LYPD6B: variants seen among roughly 807,000 people sequenced by gnomAD.
The protein encoded by LYPD6B is LY6/PLAUR domain containing 6B.
LYPD6B carries 17 observed loss-of-function variants against 22.8 expected under a neutral mutation model. That is an observed-to-expected ratio of 0.75 (90% confidence interval 0.51 to 1.12). The LOEUF (loss-of-function observed/expected upper bound fraction) is 1.12. LYPD6B is among the 50% of genes most tolerant of loss of function. The probability of loss-of-function intolerance (pLI) is 0.00; values close to 1 mark genes in which losing one functional copy is unlikely to be tolerated. For missense variants in LYPD6B, 221 were observed against 258.3 expected, an observed-to-expected ratio of 0.86 and a Z score of 0.99; for synonymous variants, 106 against 91.6, an observed-to-expected ratio of 1.16 and a Z score of -0.90.
At chr2:149,197,009 C>A (rs1692853676) in intron 3 of LYPD6B, among the ~76,000 whole-genome samples, 1 of 152,198 alleles carries the variant, frequency 6.6e-6, no homozygotes. Context: ...GCCTCCATTT[C>A]TCTTAAGAGA....
At chr2:149,078,535 T>A (rs1414117320) in intron 1 of LYPD6B, among the ~76,000 whole-genome samples, 3 of 152,190 alleles carry the variant, frequency 2.0e-5, no homozygotes, top group Non-Finnish European at 4.4e-5. Flanking sequence ...GGAAACACTC[T>A]TCCAATACAG....
At chr2:149,111,205 T>G (rs1313925961) in intron 1 of LYPD6B, among the ~76,000 whole-genome samples, 1 of 152,070 alleles carries the variant, frequency 6.6e-6, no homozygotes, top group Non-Finnish European at 1.5e-5. Flanking sequence ...GTAAGAACTG[T>G]AGATTTTATT....
At chr2:149,196,237 A>G (rs1692803469) in intron 3 of LYPD6B, among the ~76,000 whole-genome samples, 1 of 152,222 alleles carries the variant, frequency 6.6e-6, no homozygotes, top group Non-Finnish European at 1.5e-5. Context: ...CAGAATGCAG[A>G]AATTTTTTAT....
intron 3 of LYPD6B, chr2:149,187,357 T>G (rs2106029923): frequency 7.2e-7 from 1 of 1,397,088 alleles, no homozygotes; most frequent in South Asian, 1.7e-5. Context: ...CAAATGGCTA[T>G]CATTTCTGAG....
rs138083358 is a variant in LYPD6B at position 149,051,578 on chromosome 2, T to C, written c.-67+12777T>C. Among the ~76,000 whole-genome samples the C allele has an allele frequency of 3.2e-3, 490 of 152,340 alleles. 3 individuals carry two copies. The highest frequency in any genetic ancestry group is 0.011 in the African/African-American group (464 of 41,566). On this transcript the variant is annotated intron_variant, in intron 1 of 6. Transcript: ENST00000409642. The stretch of plus-strand genomic sequence containing the variant: ...ATAAACAGCTCTGTCATATACATTC[T>C]GGTAGCTGAATCTCTGAGCACACCC...
At chr2:149,209,708 C>T (rs559348587) in intron 5 of LYPD6B, among the ~76,000 whole-genome samples, 68 of 152,270 alleles carry the variant, frequency 4.5e-4, no homozygotes, top group African/African-American at 1.5e-3. Flanking sequence ...GCCTGAGAAT[C>T]GTATGCCATA....
intron 1 of LYPD6B, among the ~76,000 whole-genome samples, chr2:149,092,194 G>C (rs1397571246): frequency 6.6e-6 from 1 of 152,098 alleles, no homozygotes; most frequent in Non-Finnish European, 1.5e-5. Flanking sequence ...TGGTGATGGG[G>C]GGGGAATTTT....
intron 1 of LYPD6B, among the ~76,000 whole-genome samples, chr2:149,073,528 T>C (rs1684742606): frequency 6.6e-6 from 1 of 152,110 alleles, no homozygotes; most frequent in African/African-American, 2.4e-5. Flanking sequence ...GGAAGCAATG[T>C]TGGTTCTGGT....
chr2:149,094,329 A>C (rs549675631), intron 1 of LYPD6B, among the ~76,000 whole-genome samples: 17 of 152,358 alleles, frequency 1.1e-4, no homozygotes, highest in African/African-American at 3.6e-4. Flanking sequence ...AATTGAACAA[A>C]GCCTTGTAAC....
At chr2:149,050,281 A>C (rs896202467) in intron 1 of LYPD6B, among the ~76,000 whole-genome samples, 1 of 151,608 alleles carries the variant, frequency 6.6e-6, no homozygotes. Flanking sequence ...GGGGCCCTTA[A>C]CCAGCTGTAT....
At chr2:149,076,768 A>T (rs548789089) in intron 1 of LYPD6B, among the ~76,000 whole-genome samples, 111 of 152,308 alleles carry the variant, frequency 7.3e-4, no homozygotes, top group African/African-American at 2.5e-3. Context: ...TAAAAGGTAG[A>T]GGGAAAAAAT....
intron 3 of LYPD6B, among the ~76,000 whole-genome samples, chr2:149,167,603 G>A (rs1197991237): frequency 6.6e-6 from 1 of 152,112 alleles, no homozygotes; most frequent in African/African-American, 2.4e-5. Flanking sequence ...GAAAATTGTG[G>A]TTCACCACAG....
At chr2:149,141,223 G>A (rs1318111544) in intron 2 of LYPD6B, among the ~76,000 whole-genome samples, 1 of 152,202 alleles carries the variant, frequency 6.6e-6, no homozygotes, top group Non-Finnish European at 1.5e-5. Flanking sequence ...AATGCAGGGA[G>A]TAAGCCATGT....
At chr2:149,085,853 TATGGAAGAAGAATG>T (rs1175643207) in intron 1 of LYPD6B, among the ~76,000 whole-genome samples, 1 of 151,816 alleles carries the variant, frequency 6.6e-6, no homozygotes, top group East Asian at 1.9e-4. Context: ...CTATCACTAA[TATGGAAGAAGAATG>T]ATCACAGACT....
At chr2:149,072,978 G>A (rs543146031) in intron 1 of LYPD6B, among the ~76,000 whole-genome samples, 1 of 152,320 alleles carries the variant, frequency 6.6e-6, no homozygotes, top group African/African-American at 2.4e-5. Context: ...AAGGCCCTGG[G>A]ATGGGAACTT....
chr2:149,130,481 T>C (rs1214125831), intron 1 of LYPD6B, among the ~76,000 whole-genome samples: 1 of 152,160 alleles, frequency 6.6e-6, no homozygotes, highest in Non-Finnish European at 1.5e-5. Context: ...GTTTTATACC[T>C]GGAGGTAAAG....
chr2:149,202,863 C>T (rs1181340031), intron 3 of LYPD6B, among the ~76,000 whole-genome samples: 4 of 152,168 alleles, frequency 2.6e-5, no homozygotes, highest in Admixed American at 2.6e-4. Context: ...ACACACGTAA[C>T]TCATTTAAGT....
chr2:149,116,410 A>G (rs1311368263), intron 1 of LYPD6B, among the ~76,000 whole-genome samples: 1 of 152,178 alleles, frequency 6.6e-6, no homozygotes, highest in Non-Finnish European at 1.5e-5. Context: ...TTGTTATGGC[A>G]GCAGAACCTA....
intron 1 of LYPD6B, among the ~76,000 whole-genome samples, chr2:149,098,643 A>AAAAAAAAAAAAAAAAAGAAAG (rs57783804): frequency 3.8e-5 from 5 of 130,988 alleles, no homozygotes; most frequent in Admixed American, 1.6e-4. Context: ...AAAAAAAAAA[A>AAAAAAAAAAAAAAAAAGAAAG]AAAAAAGAAA....
Sources: allele counts gnomAD v4.1 joint callset (sites outside exome capture counted in the v4.1 genomes callset), GRCh38; gene constraint gnomAD v4.1.1; transcripts MANE v1.5; gene names NCBI Gene and HGNC (gene_info 2026-07-23, HGNC 2026-07-21).